The following SGCZ variants were observed in gnomAD, a reference collection of about 807,000 sequenced individuals.
SGCZ encodes the protein sarcoglycan zeta, also known as zeta-sarcoglycan.
Under a neutral mutation model 41.3 loss-of-function variants are expected in SGCZ, and 40 were observed. The ratio of observed to expected loss-of-function variants is 0.97; its 90% confidence interval spans 0.75 to 1.26. SGCZ has a LOEUF of 1.26. Among genes scored for constraint, SGCZ ranks in the 50% most tolerant of loss-of-function variants. The pLI is 0.00. For missense variants in SGCZ, 552 were observed against 369.8 expected (o/e 1.49, Z -4.04); for synonymous variants, 206 against 137.5 (o/e 1.50, Z -3.49).
chr8:14,336,550 C>T (rs934809243), intron 2 of SGCZ, among the ~76,000 whole-genome samples: 18 of 152,240 alleles, frequency 1.2e-4, no homozygotes, highest in African/African-American at 4.3e-4. Flanking sequence ...ATTTACACTC[C>T]CATCAACAGT....
chr8:14,593,006 T>G (rs1186147277), intron 1 of SGCZ, among the ~76,000 whole-genome samples: 5 of 152,172 alleles, frequency 3.3e-5, no homozygotes, highest in Non-Finnish European at 7.4e-5. Context: ...ACTTAGTGCC[T>G]TTACATTGGT....
intron 1 of SGCZ, among the ~76,000 whole-genome samples, chr8:15,221,182 T>C (rs911821840): frequency 8.6e-5 from 13 of 152,014 alleles, no homozygotes; most frequent in African/African-American, 1.7e-4. Context: ...CATAAGCAAA[T>C]AATTACATTT....
chr8:14,122,144 G>C (rs530604713), intron 5 of SGCZ, among the ~76,000 whole-genome samples: 36 of 152,316 alleles, frequency 2.4e-4, no homozygotes, highest in African/African-American at 7.7e-4. Context: ...GCGCATGGCG[G>C]CAGGCGCCTG....
At chr8:15,014,648 A>G (rs767156543) in intron 1 of SGCZ, among the ~76,000 whole-genome samples, 2 of 152,154 alleles carry the variant, frequency 1.3e-5, no homozygotes, top group Non-Finnish European at 2.9e-5. Flanking sequence ...CACTTTATCC[A>G]AAACACCCTT....
chr8:14,359,688 G>T (rs1803433204), intron 2 of SGCZ, among the ~76,000 whole-genome samples: 1 of 151,632 alleles, frequency 6.6e-6, no homozygotes, highest in Non-Finnish European at 1.5e-5. Flanking sequence ...TATTGAAGCT[G>T]GAGAAACATT....
chr8:14,766,975 A>C (rs1800056464), intron 1 of SGCZ, among the ~76,000 whole-genome samples: 1 of 152,140 alleles, frequency 6.6e-6, no homozygotes, highest in African/African-American at 2.4e-5. Context: ...GTTTTGAAAA[A>C]CATATAAATT....
chr8:14,279,189 A>AG (rs57298400), intron 3 of SGCZ, among the ~76,000 whole-genome samples: 2,152 of 152,120 alleles, frequency 0.014, 59 homozygotes, highest in African/African-American at 0.048. Flanking sequence ...CTGAGGAGCA[A>AG]GGGGGGAAAG....
intron 1 of SGCZ, among the ~76,000 whole-genome samples, chr8:15,211,743 C>CCT (rs1351744535): frequency 6.6e-6 from 1 of 152,144 alleles, no homozygotes; most frequent in Non-Finnish European, 1.5e-5. Context: ...ATATCTTCAA[C>CCT]CTCTCCCCTT....
At chr8:15,175,770 T>C (rs1400918505) in intron 1 of SGCZ, among the ~76,000 whole-genome samples, 1 of 151,998 alleles carries the variant, frequency 6.6e-6, no homozygotes, top group East Asian at 1.9e-4. Context: ...ATATAGATAG[T>C]CAATTAAATA....
intron 1 of SGCZ, among the ~76,000 whole-genome samples, chr8:14,948,878 TCTC>T (rs386722701): frequency 4.9e-4 from 29 of 59,516 alleles, no homozygotes; most frequent in Non-Finnish European, 8.0e-4. Flanking sequence ...ACAGCTTTTT[TCTC>T]TCTCTCTCTC....
At chr8:15,158,814 T>C (rs1278496287) in intron 1 of SGCZ, among the ~76,000 whole-genome samples, 1 of 152,084 alleles carries the variant, frequency 6.6e-6, no homozygotes, top group East Asian at 1.9e-4. Flanking sequence ...CAAAGAAAGA[T>C]CTAGACAGGG....
intron 5 of SGCZ, among the ~76,000 whole-genome samples, chr8:14,121,126 C>T (rs1305564898): frequency 1.3e-5 from 2 of 152,048 alleles, no homozygotes; most frequent in Non-Finnish European, 2.9e-5. Context: ...CAATAGATAT[C>T]CTTCTCACGG....
chr8:15,015,481 C>T (rs1411053944), intron 1 of SGCZ, among the ~76,000 whole-genome samples: 5 of 151,764 alleles, frequency 3.3e-5, no homozygotes, highest in South Asian at 2.1e-4. Context: ...GGGTGGATCA[C>T]GAGGTCAGCA....
intron 4 of SGCZ, among the ~76,000 whole-genome samples, chr8:14,173,874 A>G (rs966716584): frequency 3.9e-5 from 6 of 152,260 alleles, no homozygotes; most frequent in Middle Eastern, 3.4e-3. Context: ...TAAAGTTTAC[A>G]AATCTTACAA....
intron 1 of SGCZ, among the ~76,000 whole-genome samples, chr8:14,583,057 A>C (rs910159112): frequency 6.7e-6 from 1 of 150,072 alleles, no homozygotes; most frequent in Admixed American, 6.6e-5. Flanking sequence ...TGGTATTTCT[A>C]GTTCTAGATC....
intron 1 of SGCZ, among the ~76,000 whole-genome samples, chr8:15,080,882 G>A (rs979420456): frequency 3.9e-5 from 6 of 151,994 alleles, no homozygotes; most frequent in African/African-American, 7.2e-5. Context: ...ATGAGCCACC[G>A]CGCCTGGCTC....
chr8:14,472,601 G>A (rs889645711), intron 2 of SGCZ, among the ~76,000 whole-genome samples: 1 of 152,078 alleles, frequency 6.6e-6, no homozygotes, highest in Non-Finnish European at 1.5e-5. Flanking sequence ...TGATGTTTAA[G>A]CGTGCAGTGG....
chr8:15,210,690 G>A (rs1801208404), intron 1 of SGCZ, among the ~76,000 whole-genome samples: 1 of 151,952 alleles, frequency 6.6e-6, no homozygotes, highest in South Asian at 2.1e-4. Context: ...ATCTTGTATT[G>A]CTCATCTCTA....
chr8:14,322,825 C>G (rs994202521), intron 3 of SGCZ, among the ~76,000 whole-genome samples: 1 of 152,056 alleles, frequency 6.6e-6, no homozygotes, highest in Non-Finnish European at 1.5e-5. Flanking sequence ...AACACAAGGA[C>G]TCAGTAAATA....
Sources: allele counts gnomAD v4.1 joint callset (sites outside exome capture counted in the v4.1 genomes callset), GRCh38; gene constraint gnomAD v4.1.1; transcripts MANE v1.5; gene names NCBI Gene and HGNC (gene_info 2026-07-23, HGNC 2026-07-21).